The following SLC14A2 variants were observed in gnomAD, a reference collection of about 807,000 sequenced individuals.
SLC14A2 encodes solute carrier family 14 member 2.
SLC14A2 carries 91 observed loss-of-function variants against 104.6 expected under a neutral mutation model. The ratio of observed to expected loss-of-function variants is 0.87; its 90% confidence interval spans 0.73 to 1.04. The LOEUF (loss-of-function observed/expected upper bound fraction) is 1.04, where lower values mean the gene tolerates loss of function less well. Ranked by LOEUF, SLC14A2 falls within the 50% of genes least tolerant of loss-of-function variation. The pLI is 0.00. For synonymous variants in SLC14A2, 476 were observed against 466.4 expected (o/e 1.02, Z -0.27); for missense variants, 1,189 against 1,156.0 (o/e 1.03, Z -0.41).
At chr18:45,471,626 C>A (rs1437857085) in intron 1 of SLC14A2, among the ~76,000 whole-genome samples, 1 of 151,652 alleles carries the variant, frequency 6.6e-6, no homozygotes, top group African/African-American at 2.4e-5. Flanking sequence ...TTCATGTGTT[C>A]TGCTCACTTG....
chr18:45,277,444 G>A (rs1448832539), intron 1 of SLC14A2, among the ~76,000 whole-genome samples: 29 of 151,864 alleles, frequency 1.9e-4, no homozygotes, highest in Admixed American at 1.9e-3. Flanking sequence ...TTAGAAACAG[G>A]GTATTGAAGG....
intron 1 of SLC14A2, among the ~76,000 whole-genome samples, chr18:45,412,045 CT>C (rs5824581): frequency 1.3e-5 from 2 of 152,178 alleles, no homozygotes; most frequent in East Asian, 1.9e-4. Flanking sequence ...CAGTATCTGT[CT>C]CCCCAAATGA....
At chr18:45,619,016 T>A (rs1388486966) in intron 1 of SLC14A2, among the ~76,000 whole-genome samples, 1 of 152,182 alleles carries the variant, frequency 6.6e-6, no homozygotes, top group East Asian at 1.9e-4. Context: ...TTTCTAACCA[T>A]TGGAAGAATT....
At chr18:45,652,604 T>A (rs914731397) in intron 10 of SLC14A2, among the ~76,000 whole-genome samples, 1 of 152,182 alleles carries the variant, frequency 6.6e-6, no homozygotes, top group South Asian at 2.1e-4. Flanking sequence ...CCTCCCTCTG[T>A]AAAGTTGAAA....
At chr18:45,602,970 TAACCC>T (rs2044813980) in intron 2 of SLC14A2, among the ~76,000 whole-genome samples, 1 of 152,176 alleles carries the variant, frequency 6.6e-6, no homozygotes, top group African/African-American at 2.4e-5. Flanking sequence ...AAGATAAAAA[TAACCC>T]ATCAATTTAG....
intron 1 of SLC14A2, among the ~76,000 whole-genome samples, chr18:45,400,290 T>A (rs1195664512): frequency 6.6e-6 from 1 of 152,200 alleles, no homozygotes; most frequent in Non-Finnish European, 1.5e-5. Flanking sequence ...TACTTGAGTC[T>A]CCTACTCTTG....
At chr18:45,428,908 G>A (rs1433796322) in intron 1 of SLC14A2, among the ~76,000 whole-genome samples, 2 of 152,094 alleles carry the variant, frequency 1.3e-5, no homozygotes, top group Non-Finnish European at 2.9e-5. Flanking sequence ...GGAAGAGATG[G>A]GCATCTGTTG....
In SLC14A2 at chr18:45,273,558, T is replaced by C. The variant is rs545574241; in HGVS notation, c.-125+60367T>C. Among the ~76,000 whole-genome samples, 6 of 152,230 alleles carry C rather than the reference T, an allele frequency of 3.9e-5. No homozygotes were observed. The South Asian group carries it at 1.2e-3, about 32-fold the overall frequency. Reference sequence around the variant, plus strand: ...CATCAAATACTTCTACACTCTAGACTTGACTTTTTTCTGATAATGTGTGTG... The same window carrying C: ...CATCAAATACTTCTACACTCTAGACCTGACTTTTTTCTGATAATGTGTGTG... On this transcript the variant is annotated intron_variant, in intron 1 of 20. Coordinates refer to the SLC14A2 transcript ENST00000586448.
At chr18:45,458,452 G>C (rs184289587) in intron 1 of SLC14A2, among the ~76,000 whole-genome samples, 1 of 152,228 alleles carries the variant, frequency 6.6e-6, no homozygotes, top group East Asian at 1.9e-4. Flanking sequence ...AACACTCAGG[G>C]AAAGAAGTCT....
chr18:45,588,164 G>A (rs1434031055), intron 2 of SLC14A2, among the ~76,000 whole-genome samples: 1 of 152,156 alleles, frequency 6.6e-6, no homozygotes, highest in Non-Finnish European at 1.5e-5. Context: ...GGGCCCAACA[G>A]GAAAGAGAGA....
intron 6 of SLC14A2, among the ~76,000 whole-genome samples, chr18:45,638,132 C>T (rs1472228799): frequency 1.3e-5 from 2 of 152,224 alleles, no homozygotes; most frequent in African/African-American, 4.8e-5. Flanking sequence ...TCCCGCATTC[C>T]TCAGATGTTG....
chr18:45,547,754 T>C (rs920795656), intron 2 of SLC14A2, among the ~76,000 whole-genome samples: 8 of 152,154 alleles, frequency 5.3e-5, no homozygotes, highest in African/African-American at 1.9e-4. Context: ...CTTACATAAC[T>C]GTAAGGAATT....
intron 2 of SLC14A2, among the ~76,000 whole-genome samples, chr18:45,595,069 G>A (rs935052535): frequency 3.3e-5 from 5 of 152,108 alleles, no homozygotes; most frequent in East Asian, 1.9e-4. Flanking sequence ...TTAACCACCC[G>A]GAAATCCAAC....
the SLC14A2 span, among the ~76,000 whole-genome samples, chr18:45,190,270 C>A: frequency 6.6e-6 from 1 of 152,166 alleles, no homozygotes; most frequent in Admixed American, 6.6e-5. Context: ...CTTGGAGAAG[C>A]AGCATATTAA....
the SLC14A2 span, among the ~76,000 whole-genome samples, chr18:45,184,689 T>C: frequency 6.6e-6 from 1 of 152,212 alleles, no homozygotes; most frequent in Non-Finnish European, 1.5e-5. Context: ...ACTGAAATAT[T>C]AAACAAGGCA....
chr18:45,207,470 G>A, the SLC14A2 span, among the ~76,000 whole-genome samples: 1 of 151,152 alleles, frequency 6.6e-6, no homozygotes, highest in Non-Finnish European at 1.5e-5. Context: ...GGGAAGGAAA[G>A]TGAAGAAAAG....
intron 1 of SLC14A2, among the ~76,000 whole-genome samples, chr18:45,367,062 T>C (rs1019592682): frequency 6.6e-6 from 1 of 152,210 alleles, no homozygotes; most frequent in African/African-American, 2.4e-5. Flanking sequence ...CAGCAGCATG[T>C]AAATGAAGAA....
At chr18:45,402,733 G>A (rs967110725) in intron 1 of SLC14A2, among the ~76,000 whole-genome samples, 1 of 152,184 alleles carries the variant, frequency 6.6e-6, no homozygotes, top group Non-Finnish European at 1.5e-5. Flanking sequence ...ATTACTGGGA[G>A]GAGTTGGCAC....
the SLC14A2 span, among the ~76,000 whole-genome samples, chr18:45,184,727 A>G: frequency 1.3e-5 from 2 of 152,272 alleles, no homozygotes; most frequent in East Asian, 3.8e-4. Context: ...GCTGCAATTA[A>G]CAGATAATCT....
Sources: allele counts gnomAD v4.1 joint callset (sites outside exome capture counted in the v4.1 genomes callset), GRCh38; gene constraint gnomAD v4.1.1; transcripts MANE v1.5; gene names NCBI Gene and HGNC (gene_info 2026-07-23, HGNC 2026-07-21).